The following MKLN1 variants were observed in gnomAD, a reference collection of about 807,000 sequenced individuals.
MKLN1 encodes the protein muskelin.
Under a neutral mutation model 99.0 loss-of-function variants are expected in MKLN1, and 18 were observed. That is an observed-to-expected ratio of 0.18 (90% confidence interval 0.13 to 0.27). The LOEUF (loss-of-function observed/expected upper bound fraction) is 0.27, where lower values mean the gene tolerates loss of function less well. Among genes scored for constraint, MKLN1 ranks in the 10% least tolerant of loss-of-function variants. MKLN1 has a pLI of 1.00. For synonymous variants in MKLN1, 288 were observed against 293.2 expected (o/e 0.98, Z 0.18); for missense variants, 621 against 875.9 (o/e 0.71, Z 3.67).
intron 8 of MKLN1, among the ~76,000 whole-genome samples, chr7:131,427,661 C>G (rs985163899): frequency 2.0e-5 from 3 of 152,168 alleles, no homozygotes; most frequent in South Asian, 4.1e-4. Flanking sequence ...TCAAGTGATT[C>G]TCCTGCCTCA....
chr7:131,311,516 C>T (rs565944281), intron 3 of MKLN1, among the ~76,000 whole-genome samples: 18 of 152,280 alleles, frequency 1.2e-4, no homozygotes, highest in African/African-American at 4.3e-4. Flanking sequence ...ACAATGCTTT[C>T]CATATGATTT....
intron 2 of MKLN1, among the ~76,000 whole-genome samples, chr7:131,155,704 C>T (rs948385966): frequency 3.3e-5 from 5 of 152,234 alleles, no homozygotes; most frequent in African/African-American, 7.2e-5. Context: ...TCTTAAAGAT[C>T]GTCTGGCCTA....
intron 2 of MKLN1, among the ~76,000 whole-genome samples, chr7:131,143,921 G>C (rs922910947): frequency 5.9e-5 from 9 of 152,194 alleles, no homozygotes; most frequent in African/African-American, 1.7e-4. Context: ...GACATGTGTA[G>C]TTCAACCATA....
intron 6 of MKLN1, among the ~76,000 whole-genome samples, chr7:131,399,980 A>G (rs1402767997): frequency 6.6e-6 from 1 of 151,964 alleles, no homozygotes; most frequent in East Asian, 1.9e-4. Flanking sequence ...GGAGGGTAAC[A>G]CTCATTTGGA....
At position 131,358,384 on chromosome 7, in the gene MKLN1, G is replaced by A. The variant is rs186523035; in HGVS notation, c.99-17040G>A. Among the ~76,000 whole-genome samples the A allele has an allele frequency of 2.3e-4, 35 of 152,152 alleles. No homozygotes were observed. The East Asian group carries it at 4.0e-3, about 18-fold the overall frequency. ...ATTGAAATAGCCCTGTAATAAGTAC[G>A]TTTTATTGTGGTGTGTAATTATTTG... On this transcript the variant is annotated intron_variant, in intron 1 of 17. Transcript: ENST00000352689.
Position 131,463,213 on chromosome 7 carries a change from G to A in MKLN1, c.1526-4G>A, listed in dbSNP as rs1432871235. The A allele has an allele frequency of 6.2e-7, 1 of 1,601,742 alleles. No homozygotes were observed. On this transcript the variant is annotated splice_region_variant and splice_polypyrimidine_tract_variant and intron_variant, in intron 12 of 17. Transcript: ENST00000352689. The stretch of plus-strand genomic sequence containing the variant: ...TTCATCTTATTTTTTTCTTTAATTT[G>A]TAGTTCCAATGACAGGATTTACACA...
chr7:131,441,215 T>G (rs1019896105), intron 10 of MKLN1, among the ~76,000 whole-genome samples: 4 of 152,148 alleles, frequency 2.6e-5, no homozygotes, highest in Non-Finnish European at 5.9e-5. Flanking sequence ...TCTCACTGGG[T>G]CATGAGGCAT....
At chr7:131,166,271 A>T (rs1219321109) in intron 2 of MKLN1, among the ~76,000 whole-genome samples, 1 of 152,120 alleles carries the variant, frequency 6.6e-6, no homozygotes, top group Non-Finnish European at 1.5e-5. Flanking sequence ...GAGGATGGAG[A>T]TGCTGAGACT....
intron 17 of MKLN1, among the ~76,000 whole-genome samples, chr7:131,479,896 C>T (rs990227142): frequency 6.0e-5 from 9 of 149,908 alleles, no homozygotes; most frequent in Middle Eastern, 3.3e-3. Context: ...CGGTGGCTCA[C>T]GCCTGTAATC....
chr7:131,300,104 G>A lies in MKLN1; in HGVS notation c.-178-75320G>A, dbSNP rs78695196. Among the ~76,000 whole-genome samples, 976 of 152,262 alleles carry A rather than the reference G, an allele frequency of 6.4e-3. 11 individuals are homozygous for A. The highest frequency in any genetic ancestry group is 0.022 in the African/African-American group (921 of 41,544). Reference sequence around the variant, plus strand: ...ATTATAGTCAATTAAGGAGCTGGGAGTGGGAAAGATGATGAAGCAGAGAAG... The same window carrying A: ...ATTATAGTCAATTAAGGAGCTGGGAATGGGAAAGATGATGAAGCAGAGAAG... On this transcript the variant is annotated intron_variant, in intron 3 of 7. Transcript: ENST00000416992.
At chr7:131,267,558 C>G (rs1239120478) in intron 3 of MKLN1, among the ~76,000 whole-genome samples, 1 of 152,104 alleles carries the variant, frequency 6.6e-6, no homozygotes, top group African/African-American at 2.4e-5. Context: ...GTCCCAGGCC[C>G]CTGCTAAACT....
chr7:131,333,798 A>G (rs771763323), intron 1 of MKLN1, among the ~76,000 whole-genome samples: 12 of 152,184 alleles, frequency 7.9e-5, no homozygotes, highest in Non-Finnish European at 1.5e-5. Flanking sequence ...TCGGCCTTCC[A>G]AAGTGTTGGG....
intron 3 of MKLN1, chr7:131,285,112 C>G (rs1051268889): frequency 6.6e-6 from 1 of 152,296 alleles, no homozygotes; most frequent in African/African-American, 2.4e-5. Flanking sequence ...GTGGGTTTGG[C>G]CAGTCTTTCA....
intron 3 of MKLN1, among the ~76,000 whole-genome samples, chr7:131,242,082 T>G (rs1163597159): frequency 6.6e-6 from 1 of 152,222 alleles, no homozygotes; most frequent in Non-Finnish European, 1.5e-5. Flanking sequence ...GTTAATAATG[T>G]TGCAAAACAC....
chr7:131,184,510 A>G (rs909250935), intron 2 of MKLN1, among the ~76,000 whole-genome samples: 3 of 151,358 alleles, frequency 2.0e-5, no homozygotes, highest in African/African-American at 4.8e-5. Flanking sequence ...AAAGCCTTCC[A>G]TAAATGACTG....
intron 2 of MKLN1, among the ~76,000 whole-genome samples, chr7:131,379,029 C>T (rs1438876703): frequency 3.3e-5 from 5 of 152,114 alleles, no homozygotes; most frequent in East Asian, 3.9e-4. Flanking sequence ...GAAGAAAACT[C>T]GTCTCTGAGA....
At chr7:131,369,102 TTAAG>T (rs1800269101) in intron 1 of MKLN1, among the ~76,000 whole-genome samples, 1 of 152,062 alleles carries the variant, frequency 6.6e-6, no homozygotes, top group Non-Finnish European at 1.5e-5. Flanking sequence ...AGAAATCCCT[TTAAG>T]TGTTTTATAA....
intron 2 of MKLN1, among the ~76,000 whole-genome samples, chr7:131,385,195 A>C (rs1012486860): frequency 6.6e-6 from 1 of 152,196 alleles, no homozygotes; most frequent in Non-Finnish European, 1.5e-5. Flanking sequence ...GTCAGTGTGC[A>C]TTCCTTCATA....
Position 131,214,744 on chromosome 7 carries a change from C to T in MKLN1, c.-179+11770C>T, listed in dbSNP as rs73151591. On this transcript the variant is annotated intron_variant, in intron 3 of 7. Coordinates refer to the MKLN1 transcript ENST00000416992. ...GACTTTGTAATCACTGTACCATGTT[C>T]CATAATCAGGTTGGGATTTTTCAAA... is the stretch of plus-strand genomic sequence containing the variant. Among the ~76,000 whole-genome samples, 898 of 152,222 alleles carry T rather than the reference C, an allele frequency of 5.9e-3. 2 individuals carry two copies. The highest frequency in any genetic ancestry group is 8.7e-3 in the Non-Finnish European group (595 of 68,026).
Sources: gnomAD v4.1 joint callset for allele counts (sites outside exome capture counted in the v4.1 genomes callset) on GRCh38, gnomAD v4.1.1 for gene constraint, MANE v1.5 for transcripts, NCBI Gene and HGNC (gene_info 2026-07-23, HGNC 2026-07-21) for gene names.